The following OXCT1 variants were observed in gnomAD, a reference collection of about 807,000 sequenced individuals.
OXCT1 encodes succinyl-CoA:3-ketoacid coenzyme A transferase 1, mitochondrial.
A neutral mutation model predicts 69.6 loss-of-function variants in OXCT1; 27 were observed. The ratio of observed to expected loss-of-function variants is 0.39; its 90% confidence interval spans 0.29 to 0.54. The LOEUF is 0.54. OXCT1 is among the 20% of genes least tolerant of loss of function. OXCT1 has a pLI of 0.72. For missense variants in OXCT1, 437 were observed against 650.2 expected (o/e 0.67, Z 3.57); for synonymous variants, 202 against 217.8 (o/e 0.93, Z 0.64).
At chr5:41,759,269 C>T (rs1744232291) in intron 14 of OXCT1, among the ~76,000 whole-genome samples, 1 of 152,028 alleles carries the variant, frequency 6.6e-6, no homozygotes, top group Non-Finnish European at 1.5e-5. Flanking sequence ...ATATCTCAAC[C>T]TTACTTCAGA....
intron 7 of OXCT1, among the ~76,000 whole-genome samples, chr5:41,807,794 C>CT (rs1349067047): frequency 3.3e-5 from 5 of 152,020 alleles, no homozygotes; most frequent in African/African-American, 1.2e-4. Flanking sequence ...TAGCACATTC[C>CT]TTAAACACAG....
intron 7 of OXCT1, among the ~76,000 whole-genome samples, chr5:41,827,471 T>C (rs1747862737): frequency 6.6e-6 from 1 of 152,218 alleles, no homozygotes; most frequent in Admixed American, 6.5e-5. Flanking sequence ...TCCGATGAGA[T>C]ACTGTATGTG....
intron 13 of OXCT1, among the ~76,000 whole-genome samples, chr5:41,775,974 G>A (rs928391986): frequency 2.0e-5 from 3 of 152,078 alleles, no homozygotes; most frequent in African/African-American, 4.8e-5. Flanking sequence ...CACAGAGAAC[G>A]AAGTAGGGAA....
chr5:41,859,864 A>AATATATATATATGTAT (rs1749634137), intron 3 of OXCT1, among the ~76,000 whole-genome samples: 1 of 120,116 alleles, frequency 8.3e-6, no homozygotes. Context: ...CTAGTATAGT[A>AATATATATATATGTAT]ATATATATAT....
intron 14 of OXCT1, among the ~76,000 whole-genome samples, chr5:41,750,015 T>C (rs1743688446): frequency 6.6e-6 from 1 of 151,972 alleles, no homozygotes; most frequent in Admixed American, 6.6e-5. Context: ...TAAGTCCTCT[T>C]CTTAAAAAAT....
intron 7 of OXCT1, among the ~76,000 whole-genome samples, chr5:41,813,853 A>T (rs1747102454): frequency 6.6e-6 from 1 of 152,026 alleles, no homozygotes; most frequent in South Asian, 2.1e-4. Flanking sequence ...ATTAAAACAT[A>T]GTGCCTGACA....
At chr5:41,813,045 C>T (rs1389377739) in intron 7 of OXCT1, among the ~76,000 whole-genome samples, 5 of 152,000 alleles carry the variant, frequency 3.3e-5, no homozygotes, top group Admixed American at 6.6e-5. Flanking sequence ...GTCTTCCACC[C>T]AATTAAATCA....
At chr5:41,830,598 T>C (rs533055569) in intron 7 of OXCT1, among the ~76,000 whole-genome samples, 1 of 152,334 alleles carries the variant, frequency 6.6e-6, no homozygotes, top group South Asian at 2.1e-4. Flanking sequence ...GATGTTTGTG[T>C]GTGAATGAAT....
Position 41,794,658 on chromosome 5 carries a change from G to C in OXCT1, c.1172+19C>G. ...CATTCCATACTGTCTGAAACATGAGGGGCTCTGTTATTACATACCCTCTAA... is the reference window on the plus strand; with the variant it reads ...CATTCCATACTGTCTGAAACATGAGCGGCTCTGTTATTACATACCCTCTAA... On this transcript the variant is annotated intron_variant, in intron 12 of 16. Transcript: ENST00000196371. The C allele has an allele frequency of 6.2e-7, 1 of 1,606,790 alleles. No homozygotes were observed. The highest frequency in any genetic ancestry group is 8.5e-7 in the Non-Finnish European group (1 of 1,174,324).
intron 13 of OXCT1, among the ~76,000 whole-genome samples, chr5:41,775,938 G>T (rs1252805546): frequency 6.6e-6 from 1 of 152,098 alleles, no homozygotes; most frequent in East Asian, 1.9e-4. Flanking sequence ...AGATCTTTGA[G>T]GGTGGACTAG....
rs535216248 is a variant in OXCT1, at chr5:41,866,029, C to A, written c.79-3279G>T. 2.7e-5 allele frequency among the ~76,000 whole-genome samples: 4 copies of A among 147,556 alleles called. No individual in the cohort carries two copies. In the South Asian group the frequency reaches 8.8e-4, roughly 33 times the overall value. ...TTTTTATATGTACAGTAGACCCCCC[C>A]CCCCACCGCTTATCCACAGTTTCCC... On this transcript the variant is annotated intron_variant, in intron 1 of 16. Transcript: ENST00000196371.
intron 7 of OXCT1, among the ~76,000 whole-genome samples, chr5:41,810,590 T>C (rs1285041484): frequency 6.6e-6 from 1 of 152,048 alleles, no homozygotes; most frequent in East Asian, 1.9e-4. Context: ...CTAGGAAATG[T>C]TGTTATTGAT....
At chr5:41,789,740 C>T (rs927982100) in intron 13 of OXCT1, among the ~76,000 whole-genome samples, 1 of 152,188 alleles carries the variant, frequency 6.6e-6, no homozygotes, top group South Asian at 2.1e-4. Context: ...ATGGACAATA[C>T]ACTAAAGTTA....
intron 1 of OXCT1, 114 bp from the exon 2 acceptor site, chr5:41,862,864 T>C (rs1197897464): frequency 7.3e-6 from 5 of 680,540 alleles, no homozygotes; most frequent in South Asian, 3.1e-5. Context: ...CTCCTTTATA[T>C]ATACACGTTT....
chr5:41,796,699 T>C (rs2112238543), intron 11 of OXCT1, among the ~76,000 whole-genome samples: 1 of 152,328 alleles, frequency 6.6e-6, no homozygotes, highest in Admixed American at 6.5e-5. Context: ...GTACACAAAA[T>C]TGAAAAGTTT....
At chr5:41,763,756 C>A (rs2112108065) in intron 13 of OXCT1, among the ~76,000 whole-genome samples, 1 of 152,070 alleles carries the variant, frequency 6.6e-6, no homozygotes, top group South Asian at 2.1e-4. Context: ...AACCAGAAAC[C>A]AAGCTAGAGA....
chr5:41,848,607 C>T (rs1749037483), intron 5 of OXCT1, among the ~76,000 whole-genome samples: 1 of 148,976 alleles, frequency 6.7e-6, no homozygotes, highest in South Asian at 2.1e-4. Flanking sequence ...TGGAACAGAA[C>T]AGAGCCCTCA....
intron 1 of OXCT1, among the ~76,000 whole-genome samples, chr5:41,863,642 C>T (rs1006994757): frequency 6.6e-6 from 1 of 152,210 alleles, no homozygotes; most frequent in Non-Finnish European, 1.5e-5. Flanking sequence ...CTAACTCCAT[C>T]ATTTGTGGCC....
At chr5:41,849,100 T>G (rs986009078) in intron 5 of OXCT1, among the ~76,000 whole-genome samples, 4 of 152,150 alleles carry the variant, frequency 2.6e-5, no homozygotes, top group Non-Finnish European at 5.9e-5. Flanking sequence ...TCCACATAGA[T>G]CACTCTCAAC....
Sources: gnomAD v4.1 joint callset for allele counts (sites outside exome capture counted in the v4.1 genomes callset) on GRCh38, gnomAD v4.1.1 for gene constraint, MANE v1.5 for transcripts, NCBI Gene and HGNC (gene_info 2026-07-23, HGNC 2026-07-21) for gene names.